Variants in MAML2 observed in about 807,000 individuals in gnomAD.
The protein encoded by MAML2 is mastermind like transcriptional coactivator 2.
A neutral mutation model predicts 96.1 loss-of-function variants in MAML2; 22 were observed. That is an observed-to-expected ratio of 0.23 (90% CI 0.16 to 0.33). The LOEUF (loss-of-function observed/expected upper bound fraction) is 0.33, where lower values mean the gene tolerates loss of function less well. Among genes scored for constraint, MAML2 ranks in the 10% least tolerant of loss-of-function variants. MAML2 has a pLI of 1.00. For synonymous variants in MAML2, 561 were observed against 521.3 expected (o/e 1.08, Z -1.04); for missense variants, 1,367 against 1,392.4 (o/e 0.98, Z 0.29).
At chr11:96,184,439 CAAATAAATAAAT>C (rs139760069) in intron 1 of MAML2, among the ~76,000 whole-genome samples, 26,824 of 145,138 alleles carry the variant, frequency 0.18, 2,728 homozygotes, top group African/African-American at 0.26. Flanking sequence ...GACTCCATCT[CAAATAAATAAAT>C]AAATAAATAA....
At chr11:96,150,621 C>A (rs6483482) in intron 1 of MAML2, among the ~76,000 whole-genome samples, 1 of 152,142 alleles carries the variant, frequency 6.6e-6, no homozygotes, top group African/African-American at 2.4e-5. Flanking sequence ...AAAGCACCCA[C>A]ACCCACAGCT....
At chr11:96,135,985 T>C (rs1860625447) in intron 1 of MAML2, among the ~76,000 whole-genome samples, 1 of 152,212 alleles carries the variant, frequency 6.6e-6, no homozygotes, top group African/African-American at 2.4e-5. Context: ...AACTAAACTT[T>C]AGTAACTAAT....
chr11:96,205,547 A>G (rs552565380), intron 1 of MAML2, among the ~76,000 whole-genome samples: 137 of 152,332 alleles, frequency 9.0e-4, no homozygotes, highest in African/African-American at 3.0e-3. Flanking sequence ...GTAAAACAGC[A>G]GGCTTGTGAA....
In MAML2 at chr11:96,168,913, C is replaced by T. The variant is rs188915014; in HGVS notation, c.514-75396G>A. 3.5e-3 allele frequency among the ~76,000 whole-genome samples: 534 copies of T among 152,290 alleles called. 3 individuals are homozygous for T. The highest frequency in any genetic ancestry group is 0.019 in the Admixed American group (298 of 15,298). ...TGGGTTATTTCACAAGAATTGGCAA[C>T]GCAGCAATGGTATTTAGGGTGCCTA... On this transcript the variant is annotated intron_variant, in intron 1 of 4. Transcript: ENST00000524717.
chr11:96,283,708 G>A (rs183362396), intron 1 of MAML2, among the ~76,000 whole-genome samples: 84 of 152,262 alleles, frequency 5.5e-4, no homozygotes, highest in Non-Finnish European at 8.2e-4. Context: ...CACAAGGGTC[G>A]CTGATCATTC....
chr11:96,097,085 T>G (rs1007109788), intron 1 of MAML2, among the ~76,000 whole-genome samples: 2 of 152,196 alleles, frequency 1.3e-5, no homozygotes, highest in Non-Finnish European at 2.9e-5. Context: ...ATCTAAATGA[T>G]TCTCAAGGAT....
chr11:96,086,235 C>A (rs1859610850), intron 2 of MAML2, among the ~76,000 whole-genome samples: 1 of 152,166 alleles, frequency 6.6e-6, no homozygotes, highest in African/African-American at 2.4e-5. Flanking sequence ...CAGTTCCTGG[C>A]ACATTGTAGG....
chr11:96,128,915 T>G (rs1023777324), intron 1 of MAML2, among the ~76,000 whole-genome samples: 2 of 152,208 alleles, frequency 1.3e-5, no homozygotes, highest in African/African-American at 4.8e-5. Flanking sequence ...AAAATTGTTA[T>G]TTATATAAAA....
At chr11:96,294,317 TAA>T (rs71040140) in intron 1 of MAML2, among the ~76,000 whole-genome samples, 24 of 146,800 alleles carry the variant, frequency 1.6e-4, no homozygotes, top group African/African-American at 1.8e-4. Flanking sequence ...TAACCCATTG[TAA>T]AAAAAAAAAA....
intron 1 of MAML2, among the ~76,000 whole-genome samples, chr11:96,151,901 T>C (rs1860930368): frequency 6.6e-6 from 1 of 152,196 alleles, no homozygotes; most frequent in Admixed American, 6.5e-5. Flanking sequence ...GATCAATACA[T>C]ATTTTTAAGA....
At chr11:96,190,042 A>G (rs1413850768) in intron 1 of MAML2, among the ~76,000 whole-genome samples, 13 of 152,230 alleles carry the variant, frequency 8.5e-5, no homozygotes, top group Non-Finnish European at 1.5e-4. Flanking sequence ...TTCACACTGA[A>G]AATTTGTTAA....
At chr11:96,327,965 G>A (rs1486640821) in intron 1 of MAML2, among the ~76,000 whole-genome samples, 10 of 151,836 alleles carry the variant, frequency 6.6e-5, no homozygotes, top group East Asian at 2.0e-4. Flanking sequence ...GCGTGGTGGC[G>A]CACACCTGTG....
rs929245716 is a variant in MAML2 at position 96,172,979 on chromosome 11, G to C, written c.514-79462C>G. 2.0e-5 allele frequency among the ~76,000 whole-genome samples: 3 copies of C among 152,170 alleles called. No homozygotes were observed. In the East Asian group the frequency reaches 5.8e-4, roughly 29 times the overall value. ...AAATGGGCATGCACCCTTTTTGCCAGTTGCCATGGATGATAAGATTCTACT... is the reference window on the plus strand; with the variant it reads ...AAATGGGCATGCACCCTTTTTGCCACTTGCCATGGATGATAAGATTCTACT... On this transcript the variant is annotated intron_variant, in intron 1 of 4. Coordinates refer to ENST00000524717, the MANE Select transcript of MAML2 (RefSeq NM_032427.4).
At chr11:96,251,346 A>G (rs1477410254) in intron 1 of MAML2, among the ~76,000 whole-genome samples, 3 of 152,230 alleles carry the variant, frequency 2.0e-5, no homozygotes, top group Non-Finnish European at 4.4e-5. Context: ...GATCTACGGT[A>G]CCATTTTTTT....
intron 1 of MAML2, among the ~76,000 whole-genome samples, chr11:96,225,627 T>A (rs1429515301): frequency 1.3e-5 from 2 of 152,070 alleles, no homozygotes; most frequent in Non-Finnish European, 2.9e-5. Context: ...AGGTCACAAG[T>A]TCAAGACCAG....
rs573430727 is a variant in MAML2 at position 96,126,633 on chromosome 11, A to G, written c.514-33116T>C. On this transcript the variant is annotated intron_variant, in intron 1 of 4. Coordinates refer to ENST00000524717, the MANE Select transcript of MAML2 (RefSeq NM_032427.4). ...GATTCTGATGACGAGGTGTTAGTTT[A>G]GACTGAAAATTAAAGAGGCTTCAGG... 2.0e-5 allele frequency among the ~76,000 whole-genome samples: 3 copies of G among 152,340 alleles called. No homozygotes were observed. In the South Asian group the frequency reaches 6.2e-4, roughly 32 times the overall value.
chr11:96,241,653 A>G (rs1446314080), intron 1 of MAML2, among the ~76,000 whole-genome samples: 7 of 152,174 alleles, frequency 4.6e-5, no homozygotes, highest in African/African-American at 1.7e-4. Context: ...GCCTGTGAAC[A>G]TTTGTTGCCA....
intron 1 of MAML2, among the ~76,000 whole-genome samples, chr11:96,275,915 G>A (rs1362993887): frequency 1.3e-5 from 2 of 152,050 alleles, no homozygotes; most frequent in Non-Finnish European, 2.9e-5. Flanking sequence ...CCCATAGAAG[G>A]TCCTACTTCC....
At chr11:96,269,709 C>T (rs1339670952) in intron 1 of MAML2, among the ~76,000 whole-genome samples, 1 of 143,740 alleles carries the variant, frequency 7.0e-6, no homozygotes, top group Admixed American at 7.4e-5. Flanking sequence ...TGGGGTTTCA[C>T]CATGTTGGCC....
Sources: gnomAD v4.1 joint callset for allele counts (sites outside exome capture counted in the v4.1 genomes callset) on GRCh38, gnomAD v4.1.1 for gene constraint, MANE v1.5 for transcripts, NCBI Gene and HGNC (gene_info 2026-07-23, HGNC 2026-07-21) for gene names.